The following NXPH1 variants were observed in gnomAD, a reference collection of about 807,000 sequenced individuals.
NXPH1 encodes the protein neurexophilin-1.
NXPH1 carries 5 observed loss-of-function variants against 23.7 expected under a neutral mutation model. That is an observed-to-expected ratio of 0.21 (90% CI 0.11 to 0.44). The LOEUF (loss-of-function observed/expected upper bound fraction) is 0.44, where lower values mean the gene tolerates loss of function less well. Among genes scored for constraint, NXPH1 ranks in the 20% least tolerant of loss-of-function variants. The probability of loss-of-function intolerance (pLI) is 0.99; values close to 1 mark genes in which losing one functional copy is unlikely to be tolerated. For missense variants in NXPH1, 324 were observed against 321.6 expected (o/e 1.01, Z -0.06); for synonymous variants, 144 against 122.2 (o/e 1.18, Z -1.18).
intron 2 of NXPH1, among the ~76,000 whole-genome samples, chr7:8,681,431 A>G (rs531161134): frequency 1.3e-5 from 2 of 152,278 alleles, no homozygotes; most frequent in South Asian, 2.1e-4. Context: ...TTATTATAAT[A>G]TATATATGAC....
intron 2 of NXPH1, among the ~76,000 whole-genome samples, chr7:8,443,562 CGCGCAGGGG>C (rs1439781613): frequency 6.6e-6 from 1 of 152,218 alleles, no homozygotes; most frequent in Non-Finnish European, 1.5e-5. Context: ...CCTTTAGCGG[CGCGCAGGGG>C]TGAGGGAGAG....
At chr7:8,490,471 T>G (rs558158822) in intron 2 of NXPH1, among the ~76,000 whole-genome samples, 57 of 151,910 alleles carry the variant, frequency 3.8e-4, no homozygotes, top group African/African-American at 1.4e-3. Context: ...TGTAACCAAA[T>G]TGTTTACTTG....
chr7:8,745,053 T>C (rs1178816935), intron 2 of NXPH1, among the ~76,000 whole-genome samples: 1 of 152,234 alleles, frequency 6.6e-6, no homozygotes, highest in Admixed American at 6.5e-5. Flanking sequence ...CCCTATTTCC[T>C]GTAAGATTAA....
chr7:8,598,220 C>T (rs746611938), intron 2 of NXPH1, among the ~76,000 whole-genome samples: 6 of 152,110 alleles, frequency 3.9e-5, no homozygotes, highest in Non-Finnish European at 7.4e-5. Context: ...CTCCCAGCGT[C>T]TAAGCAGCTA....
intron 2 of NXPH1, among the ~76,000 whole-genome samples, chr7:8,594,994 C>A (rs1018139590): frequency 2.0e-5 from 3 of 152,054 alleles, no homozygotes; most frequent in South Asian, 4.1e-4. Context: ...TTGAACCTGA[C>A]AAAGCTACCG....
chr7:8,610,518 A>T (rs1440256364), intron 2 of NXPH1, among the ~76,000 whole-genome samples: 2 of 152,142 alleles, frequency 1.3e-5, no homozygotes, highest in African/African-American at 4.8e-5. Context: ...AATTGATCAC[A>T]TGTAGTAAGG....
At chr7:8,636,321 C>T (rs548343165) in intron 2 of NXPH1, among the ~76,000 whole-genome samples, 1 of 152,298 alleles carries the variant, frequency 6.6e-6, no homozygotes, top group East Asian at 1.9e-4. Flanking sequence ...AGAAATTTAT[C>T]TGTAGAACTG....
At chr7:8,505,819 G>C (rs113186318) in intron 2 of NXPH1, among the ~76,000 whole-genome samples, 18 of 152,076 alleles carry the variant, frequency 1.2e-4, no homozygotes, top group Non-Finnish European at 1.9e-4. Context: ...ACTCTGAGGA[G>C]CATGCAGGTG....
At chr7:8,509,797 C>T (rs957294293) in intron 2 of NXPH1, among the ~76,000 whole-genome samples, 2 of 152,092 alleles carry the variant, frequency 1.3e-5, no homozygotes, top group African/African-American at 2.4e-5. Flanking sequence ...AAAGCAAAAC[C>T]AATGTGAAAA....
intron 2 of NXPH1, among the ~76,000 whole-genome samples, chr7:8,498,256 C>G (rs1817372072): frequency 6.6e-6 from 1 of 152,034 alleles, no homozygotes; most frequent in South Asian, 2.1e-4. Flanking sequence ...TACCTGTCAA[C>G]CAGTTTCCAC....
intron 2 of NXPH1, among the ~76,000 whole-genome samples, chr7:8,552,950 A>C (rs527343759): frequency 2.0e-5 from 3 of 151,700 alleles, no homozygotes; most frequent in South Asian, 4.1e-4. Context: ...AGTAGTAAAG[A>C]TCTATCGTTT....
chr7:8,632,506 G>A (rs532682273), intron 2 of NXPH1, among the ~76,000 whole-genome samples: 1 of 152,092 alleles, frequency 6.6e-6, no homozygotes, highest in Non-Finnish European at 1.5e-5. Context: ...CACTTTAAGG[G>A]TTATCCTTTG....
intron 2 of NXPH1, among the ~76,000 whole-genome samples, chr7:8,651,192 A>G: frequency 7.5e-6 from 1 of 133,382 alleles, no homozygotes; most frequent in African/African-American, 2.7e-5. Flanking sequence ...CTCATTGTTC[A>G]ATCCCACCTA....
At chr7:8,445,298 A>G (rs1816381532) in intron 2 of NXPH1, among the ~76,000 whole-genome samples, 1 of 152,208 alleles carries the variant, frequency 6.6e-6, no homozygotes, top group Non-Finnish European at 1.5e-5. Context: ...AGCGAAAAAG[A>G]CATTTATTAG....
intron 2 of NXPH1, among the ~76,000 whole-genome samples, chr7:8,555,320 T>C (rs1489898865): frequency 1.3e-5 from 2 of 151,684 alleles, no homozygotes; most frequent in Non-Finnish European, 3.0e-5. Context: ...GTTCCCATTT[T>C]GAAGTGTGTC....
At chr7:8,624,486 C>G (rs1819946130) in intron 2 of NXPH1, among the ~76,000 whole-genome samples, 1 of 151,880 alleles carries the variant, frequency 6.6e-6, no homozygotes, top group Non-Finnish European at 1.5e-5. Flanking sequence ...GAGAAAAACC[C>G]TAAGAAATGC....
chr7:8,441,402 C>T (rs1816296197), intron 2 of NXPH1, among the ~76,000 whole-genome samples: 1 of 152,052 alleles, frequency 6.6e-6, no homozygotes. Context: ...GTAAACACAG[C>T]GCGCGCATTT....
chr7:8,727,597 C>A (rs1780078293), intron 2 of NXPH1, among the ~76,000 whole-genome samples: 1 of 152,150 alleles, frequency 6.6e-6, no homozygotes. Flanking sequence ...AATAGGGAAT[C>A]CTTTCCCCAT....
chr7:8,439,020 T>C (rs1028775907), intron 2 of NXPH1, among the ~76,000 whole-genome samples: 1 of 152,088 alleles, frequency 6.6e-6, no homozygotes, highest in Admixed American at 6.5e-5. Flanking sequence ...CTTTTAAAAA[T>C]AAAGGTAAAT....
Sources: gnomAD v4.1 joint callset for allele counts (sites outside exome capture counted in the v4.1 genomes callset) on GRCh38, gnomAD v4.1.1 for gene constraint, MANE v1.5 for transcripts, NCBI Gene and HGNC (gene_info 2026-07-23, HGNC 2026-07-21) for gene names.